PTPRM: variants seen among roughly 807,000 people sequenced by gnomAD.
PTPRM encodes the protein protein tyrosine phosphatase receptor type M.
Under a neutral mutation model 186.7 loss-of-function variants are expected in PTPRM, and 47 were observed. The ratio of observed to expected loss-of-function variants is 0.25; its 90% CI spans 0.20 to 0.32. The LOEUF is 0.32. Among genes scored for constraint, PTPRM ranks in the 10% least tolerant of loss-of-function variants. PTPRM has a pLI of 1.00. For synonymous variants in PTPRM, 668 were observed against 674.9 expected (o/e 0.99, Z 0.16); for missense variants, 1,494 against 1,865.0 (o/e 0.80, Z 3.66).
At chr18:7,983,117 C>A (rs547632360) in intron 7 of PTPRM, among the ~76,000 whole-genome samples, 103 of 152,234 alleles carry the variant, frequency 6.8e-4, no homozygotes, top group African/African-American at 2.2e-3. Context: ...GGGTCCCCAA[C>A]CCCCTGACTG....
At chr18:7,845,174 T>C (rs1476305832) in intron 2 of PTPRM, among the ~76,000 whole-genome samples, 1 of 152,204 alleles carries the variant, frequency 6.6e-6, no homozygotes, top group Non-Finnish European at 1.5e-5. Flanking sequence ...AGTTGTTTTC[T>C]GGGAGGAATT....
At chr18:7,693,221 C>T (rs573272931) in intron 1 of PTPRM, among the ~76,000 whole-genome samples, 5 of 152,196 alleles carry the variant, frequency 3.3e-5, no homozygotes, top group South Asian at 4.2e-4. Flanking sequence ...CAAAGATTAA[C>T]GGGTGACATT....
intron 13 of PTPRM, among the ~76,000 whole-genome samples, chr18:8,134,289 C>T (rs529770752): frequency 1.3e-5 from 2 of 152,164 alleles, no homozygotes; most frequent in Non-Finnish European, 2.9e-5. Flanking sequence ...ACAAATGCTT[C>T]TTGTGTCTTT....
chr18:8,312,349 A>G (rs1286073474), intron 20 of PTPRM, among the ~76,000 whole-genome samples: 3 of 152,146 alleles, frequency 2.0e-5, no homozygotes, highest in Non-Finnish European at 4.4e-5. Context: ...ACTGGTTTTA[A>G]GCAGCAAAAT....
chr18:8,394,650 A>G (rs192088413), intron 32 of PTPRM, 39 bp downstream of exon 32: 2 of 1,540,008 alleles, frequency 1.3e-6, no homozygotes, highest in Non-Finnish European at 1.8e-6. Context: ...GAGACACCCC[A>G]TTAGCATTAG....
At chr18:8,182,924 T>C (rs1459578678) in intron 14 of PTPRM, among the ~76,000 whole-genome samples, 1 of 152,204 alleles carries the variant, frequency 6.6e-6, no homozygotes, top group Non-Finnish European at 1.5e-5. Flanking sequence ...TGTCTCCCTG[T>C]TGGAGGGAGA....
chr18:8,386,446 AAG>A (rs1488871192), intron 30 of PTPRM, among the ~76,000 whole-genome samples: 1 of 152,172 alleles, frequency 6.6e-6, no homozygotes, highest in Non-Finnish European at 1.5e-5. Context: ...TGTTGACAAG[AAG>A]AGAGTGTCAC....
intron 30 of PTPRM, 116 bp downstream of exon 30, chr18:8,384,802 G>C: frequency 7.5e-7 from 1 of 1,335,028 alleles, no homozygotes; most frequent in Non-Finnish European, 1.0e-6. Flanking sequence ...GAGTATGTCA[G>C]TGAACCAAAA....
intron 7 of PTPRM, among the ~76,000 whole-genome samples, chr18:8,036,317 T>G (rs1476693947): frequency 1.3e-5 from 2 of 152,268 alleles, no homozygotes; most frequent in Non-Finnish European, 1.5e-5. Context: ...CAATGCATGC[T>G]GAGACAGAAG....
rs567837880 is a variant in PTPRM at position 8,239,121 on chromosome 18, A to G, written c.2301-4937A>G. 3.7e-3 allele frequency among the ~76,000 whole-genome samples: 537 copies of G among 144,754 alleles called. 2 individuals carry two copies. The highest frequency in any genetic ancestry group is 0.013 in the African/African-American group (505 of 39,322). 95.0% of individuals were successfully genotyped at this position (144,754 alleles called of 152,430 possible). ...TAACTCGTCATTTAGCATTAGGTATATCTCCTAATGCTATCCCTCCCCCCT... is the reference window on the plus strand; with the variant it reads ...TAACTCGTCATTTAGCATTAGGTATGTCTCCTAATGCTATCCCTCCCCCCT... On this transcript the variant is annotated intron_variant, in intron 14 of 32. Transcript: ENST00000580170.
At chr18:7,963,867 A>C (rs1309962190) in intron 7 of PTPRM, among the ~76,000 whole-genome samples, 1 of 152,190 alleles carries the variant, frequency 6.6e-6, no homozygotes, top group Admixed American at 6.5e-5. Context: ...TTGTCTGAGC[A>C]CCAGCTACAG....
At chr18:8,363,371 A>G (rs1182063502) in intron 23 of PTPRM, among the ~76,000 whole-genome samples, 3 of 152,224 alleles carry the variant, frequency 2.0e-5, no homozygotes, top group African/African-American at 7.2e-5. Flanking sequence ...TGACTGGCAC[A>G]AAGTCGTAGA....
rs573116882 is a variant in PTPRM at position 8,387,774 on chromosome 18, G to A, written c.4208+539G>A. On this transcript the variant is annotated intron_variant, in intron 31 of 32. Transcript: ENST00000580170. Reference sequence around the variant, plus strand: ...CGTGTGTGCGTGTGTGTGCGCGCGCGTGCATGCTTTTTGGGAGAATGTGTA... The same window carrying A: ...CGTGTGTGCGTGTGTGTGCGCGCGCATGCATGCTTTTTGGGAGAATGTGTA... 5.4e-3 allele frequency among the ~76,000 whole-genome samples: 829 copies of A among 152,234 alleles called. 2 individuals are homozygous for A. The highest frequency in any genetic ancestry group is 8.1e-3 in the Non-Finnish European group (553 of 68,016).
At chr18:7,611,191 TA>T (rs143610791) in intron 1 of PTPRM, among the ~76,000 whole-genome samples, 4,813 of 152,026 alleles carry the variant, frequency 0.032, 479 homozygotes, top group East Asian at 0.3. Context: ...GTCAAAAAGT[TA>T]AAAAAAATTA....
At chr18:7,936,007 A>G (rs896651229) in intron 5 of PTPRM, among the ~76,000 whole-genome samples, 1 of 152,200 alleles carries the variant, frequency 6.6e-6, no homozygotes, top group African/African-American at 2.4e-5. Context: ...TATTCAGCGG[A>G]AGGTTCACTT....
intron 6 of PTPRM, among the ~76,000 whole-genome samples, chr18:7,953,801 A>G (rs1029243238): frequency 1.3e-5 from 2 of 152,134 alleles, no homozygotes; most frequent in African/African-American, 2.4e-5. Context: ...CATGGCTGTG[A>G]TCGATTAGCT....
chr18:8,238,391 A>G (rs1321672267), intron 14 of PTPRM, among the ~76,000 whole-genome samples: 6 of 152,108 alleles, frequency 3.9e-5, no homozygotes, highest in African/African-American at 1.4e-4. Flanking sequence ...CCAGTCTGCT[A>G]ATGAACTATC....
At chr18:8,082,104 A>G (rs1234502904) in intron 9 of PTPRM, among the ~76,000 whole-genome samples, 1 of 152,090 alleles carries the variant, frequency 6.6e-6, no homozygotes, top group Non-Finnish European at 1.5e-5. Context: ...GCGGATGCAC[A>G]CACCCGCTCT....
intron 7 of PTPRM, among the ~76,000 whole-genome samples, chr18:8,028,359 G>T (rs1324294983): frequency 6.6e-6 from 1 of 152,046 alleles, no homozygotes; most frequent in East Asian, 1.9e-4. Context: ...ATCATTCTTA[G>T]GTATGTAGAT....
Sources: allele counts gnomAD v4.1 joint callset (sites outside exome capture counted in the v4.1 genomes callset), GRCh38; gene constraint gnomAD v4.1.1; transcripts MANE v1.5; gene names NCBI Gene and HGNC (gene_info 2026-07-23, HGNC 2026-07-21).